The following ASTN2 variants were observed in gnomAD, a reference collection of about 807,000 sequenced individuals.
ASTN2 encodes astrotactin-2.
Under a neutral mutation model 139.8 loss-of-function variants are expected in ASTN2, and 54 were observed. The observed-to-expected ratio is 0.39, with a 90% CI of 0.31 to 0.48. ASTN2 has a LOEUF of 0.48. Ranked by LOEUF, ASTN2 falls within the 20% of genes least tolerant of loss-of-function variation. The probability of loss-of-function intolerance (pLI) is 0.95; values close to 1 mark genes in which losing one functional copy is unlikely to be tolerated. For synonymous variants in ASTN2, 756 were observed against 719.5 expected, an observed-to-expected ratio of 1.05 and a Z score of -0.81; for missense variants, 1,565 against 1,725.1, an observed-to-expected ratio of 0.91 and a Z score of 1.64.
intron 19 of ASTN2, among the ~76,000 whole-genome samples, chr9:116,570,442 C>CT (rs1353225935): frequency 6.6e-6 from 1 of 152,036 alleles, no homozygotes; most frequent in African/African-American, 2.4e-5. Flanking sequence ...CGGCTCCAGG[C>CT]TGGAGTGCAG....
intron 2 of ASTN2, among the ~76,000 whole-genome samples, chr9:117,256,382 T>G (rs1833687366): frequency 1.3e-5 from 2 of 152,180 alleles, no homozygotes; most frequent in African/African-American, 2.4e-5. Flanking sequence ...AGGGACCTAG[T>G]GTTTATCAGA....
intron 7 of ASTN2, among the ~76,000 whole-genome samples, chr9:116,990,481 G>T (rs1224436077): frequency 6.7e-6 from 1 of 148,960 alleles, no homozygotes; most frequent in African/African-American, 2.6e-5. Flanking sequence ...TGGCCAAGCT[G>T]GTCTCTAACT....
intron 19 of ASTN2, among the ~76,000 whole-genome samples, chr9:116,595,659 A>G (rs1564140969): frequency 6.6e-6 from 1 of 152,036 alleles, no homozygotes; most frequent in Non-Finnish European, 1.5e-5. Context: ...CTCCGTTTAC[A>G]TTAGATACCT....
At chr9:116,827,975 T>C (rs1028086241) in intron 11 of ASTN2, among the ~76,000 whole-genome samples, 7 of 152,046 alleles carry the variant, frequency 4.6e-5, no homozygotes, top group Non-Finnish European at 7.4e-5. Flanking sequence ...CCCTGATGAA[T>C]ATAGATGTTA....
At chr9:116,950,118 T>A (rs1295514626) in intron 10 of ASTN2, among the ~76,000 whole-genome samples, 1 of 152,226 alleles carries the variant, frequency 6.6e-6, no homozygotes, top group Admixed American at 6.5e-5. Flanking sequence ...GCTTTCTCAA[T>A]CTTGCCAGCA....
chr9:116,843,997 A>C (rs2132310517), intron 11 of ASTN2, among the ~76,000 whole-genome samples: 1 of 152,288 alleles, frequency 6.6e-6, no homozygotes, highest in Admixed American at 6.5e-5. Context: ...TATGTTCCTG[A>C]GTTCAAAAAG....
At position 117,291,405 on chromosome 9, in the gene ASTN2, G is replaced by C. The variant is rs373462816; in HGVS notation, c.551C>G (p.Ala184Gly). 6.2e-7 allele frequency: 1 copy of C among 1,614,106 alleles called. No homozygotes were observed. Among genetic ancestry groups the C allele is most frequent in the African/African-American group, 1.3e-5 (1 of 74,952 alleles). The stretch of plus-strand genomic sequence containing the variant: ...CTGGAGAGTGGGGGCGGTGGCTTGG[G>C]CCAGCTGCCCGGAGCTGCTCATGGA... ...HVSMSSSGQL[A>G]QATAPTLQEP... Residue 184 changes from alanine (A) to glycine (G), a missense_variant, in exon 2 of 23, where the codon GCC becomes GGC. Ala to Gly is a moderately conservative substitution (Grantham distance 60). Transcript: ENST00000313400.
At chr9:117,020,341 CTTT>C (rs138914234) in intron 6 of ASTN2, among the ~76,000 whole-genome samples, 4 of 143,204 alleles carry the variant, frequency 2.8e-5, no homozygotes, top group African/African-American at 1.0e-4. Context: ...TGAAAAATTG[CTTT>C]TTTTTTTTTG....
intron 13 of ASTN2, among the ~76,000 whole-genome samples, chr9:116,763,773 C>T (rs1244505680): frequency 6.6e-6 from 1 of 152,196 alleles, no homozygotes; most frequent in Non-Finnish European, 1.5e-5. Context: ...GGAGAATTTG[C>T]ATTCCAGCAT....
intron 22 of ASTN2, among the ~76,000 whole-genome samples, chr9:116,431,342 G>A (rs1414266784): frequency 3.9e-5 from 6 of 152,094 alleles, no homozygotes; most frequent in South Asian, 2.1e-4. Flanking sequence ...TAGCTGTCCC[G>A]AAGCTTAATG....
intron 2 of ASTN2, among the ~76,000 whole-genome samples, chr9:117,217,147 G>C (rs1464639459): frequency 6.6e-6 from 1 of 152,082 alleles, no homozygotes; most frequent in Non-Finnish European, 1.5e-5. Flanking sequence ...AGATGGTGAG[G>C]GTGCATGAAA....
At chr9:117,180,851 G>A (rs1054670476) in intron 3 of ASTN2, 125 of 1,556,958 alleles carry the variant, frequency 8.0e-5, no homozygotes, top group Admixed American at 1.3e-4. Flanking sequence ...TTTGAGATGC[G>A]GATCTTCTGG....
chr9:117,093,448 G>C (rs1374069410), intron 5 of ASTN2, among the ~76,000 whole-genome samples: 1 of 151,998 alleles, frequency 6.6e-6, no homozygotes, highest in Admixed American at 6.6e-5. Flanking sequence ...GCCAGTAAGT[G>C]GGGGGGCTGG....
chr9:116,566,633 T>C (rs141045210), intron 19 of ASTN2, among the ~76,000 whole-genome samples: 4 of 152,320 alleles, frequency 2.6e-5, no homozygotes, highest in East Asian at 1.9e-4. Context: ...GGAAATCCAA[T>C]GGCAGGGGGC....
At chr9:117,376,955 T>A (rs1033769327) in intron 1 of ASTN2, among the ~76,000 whole-genome samples, 1 of 152,122 alleles carries the variant, frequency 6.6e-6, no homozygotes, top group Non-Finnish European at 1.5e-5. Context: ...AACCACTCCC[T>A]TCTCTTGCCT....
intron 16 of ASTN2, among the ~76,000 whole-genome samples, chr9:116,678,012 T>C (rs1234096024): frequency 6.6e-6 from 1 of 152,190 alleles, no homozygotes; most frequent in African/African-American, 2.4e-5. Context: ...AAAATAAGCA[T>C]TTAAATCAAA....
At chr9:117,271,166 T>G (rs1834054885) in intron 2 of ASTN2, among the ~76,000 whole-genome samples, 1 of 152,156 alleles carries the variant, frequency 6.6e-6, no homozygotes, top group Non-Finnish European at 1.5e-5. Context: ...GACTTACAGT[T>G]CCACATGGCT....
intron 1 of ASTN2, among the ~76,000 whole-genome samples, chr9:117,330,499 G>A (rs1319666539): frequency 6.6e-6 from 1 of 152,152 alleles, no homozygotes; most frequent in Non-Finnish European, 1.5e-5. Flanking sequence ...GGGCTGAAAG[G>A]AGCCAATAGC....
intron 2 of ASTN2, among the ~76,000 whole-genome samples, chr9:117,225,263 G>T (rs949877415): frequency 2.0e-5 from 3 of 151,784 alleles, no homozygotes; most frequent in African/African-American, 7.3e-5. Context: ...AAGGTAATTC[G>T]CATGAGCCAT....
Sources: gnomAD v4.1 joint callset for allele counts (sites outside exome capture counted in the v4.1 genomes callset) on GRCh38, gnomAD v4.1.1 for gene constraint, MANE v1.5 for transcripts, NCBI Gene and HGNC (gene_info 2026-07-23, HGNC 2026-07-21) for gene names.